GRM8: variants seen among roughly 807,000 people sequenced by gnomAD.
GRM8 encodes the protein metabotropic glutamate receptor 8.
A neutral mutation model predicts 87.2 loss-of-function variants in GRM8; 47 were observed. The ratio of observed to expected loss-of-function variants is 0.54; its 90% CI spans 0.43 to 0.69. The LOEUF (loss-of-function observed/expected upper bound fraction) is 0.69, where lower values mean the gene tolerates loss of function less well. GRM8 is among the 30% of genes least tolerant of loss of function. The pLI, the probability that GRM8 is intolerant of heterozygous loss-of-function variation, is 0.00. For synonymous variants in GRM8, 396 were observed against 404.5 expected (o/e 0.98, Z 0.25); for missense variants, 1,019 against 1,139.2 (o/e 0.89, Z 1.52).
At chr7:127,096,644 T>C (rs531119694) in intron 3 of GRM8, among the ~76,000 whole-genome samples, 28 of 152,130 alleles carry the variant, frequency 1.8e-4, no homozygotes, top group African/African-American at 6.8e-4. Flanking sequence ...CCAATTCTTA[T>C]ACAATTGTTA....
intron 7 of GRM8, among the ~76,000 whole-genome samples, chr7:126,633,279 A>G (rs112918635): frequency 3.9e-5 from 6 of 152,226 alleles, no homozygotes; most frequent in African/African-American, 1.4e-4. Flanking sequence ...AAACAAACAA[A>G]CAAAAAACAA....
At chr7:127,163,991 C>T (rs1286370240) in intron 2 of GRM8, among the ~76,000 whole-genome samples, 3 of 152,062 alleles carry the variant, frequency 2.0e-5, no homozygotes, top group Non-Finnish European at 4.4e-5. Flanking sequence ...GAATTGTAAT[C>T]CCCAATGTTG....
chr7:126,603,714 AAT>A (rs1798058023), intron 8 of GRM8, among the ~76,000 whole-genome samples: 1 of 152,080 alleles, frequency 6.6e-6, no homozygotes, highest in Admixed American at 6.6e-5. Context: ...TCATAGGGTG[AAT>A]ATGTGTGTGT....
At chr7:127,177,013 C>T (rs929091757) in intron 2 of GRM8, among the ~76,000 whole-genome samples, 4 of 152,100 alleles carry the variant, frequency 2.6e-5, no homozygotes, top group Non-Finnish European at 4.4e-5. Flanking sequence ...TCAGAAGTCA[C>T]GGGAGGGTGC....
At chr7:126,493,036 A>G (rs1808227526) in intron 9 of GRM8, among the ~76,000 whole-genome samples, 1 of 152,078 alleles carries the variant, frequency 6.6e-6, no homozygotes, top group Non-Finnish European at 1.5e-5. Flanking sequence ...GATAAAGTTG[A>G]GAATTTTTGT....
At chr7:126,812,516 T>G (rs776215943) in intron 6 of GRM8, among the ~76,000 whole-genome samples, 32 of 152,058 alleles carry the variant, frequency 2.1e-4, no homozygotes, top group Non-Finnish European at 3.8e-4. Flanking sequence ...GGTATCACTG[T>G]TGCAAATGAA....
chr7:127,133,771 T>G (rs1008560047), intron 2 of GRM8, among the ~76,000 whole-genome samples: 10 of 151,754 alleles, frequency 6.6e-5, no homozygotes, highest in Non-Finnish European at 1.5e-5. Context: ...TTTTCACCCT[T>G]CTTGGGTTTT....
At chr7:126,965,311 AAAAG>A (rs1164680227) in intron 3 of GRM8, among the ~76,000 whole-genome samples, 3 of 152,166 alleles carry the variant, frequency 2.0e-5, no homozygotes, top group East Asian at 1.9e-4. Context: ...AATTTTAAAA[AAAAG>A]AAAGAGGAAA....
intron 6 of GRM8, among the ~76,000 whole-genome samples, chr7:126,807,326 T>G (rs995499015): frequency 6.6e-6 from 1 of 152,138 alleles, no homozygotes; most frequent in South Asian, 2.1e-4. Flanking sequence ...AAAATGTTCA[T>G]TTGAGAGGTG....
intron 2 of GRM8, among the ~76,000 whole-genome samples, chr7:127,214,553 C>T (rs1054681244): frequency 4.6e-5 from 7 of 152,136 alleles, no homozygotes; most frequent in African/African-American, 1.7e-4. Flanking sequence ...CCTGAGGAAA[C>T]TTACAATCAT....
chr7:127,226,640 T>C (rs1563593323), intron 2 of GRM8, among the ~76,000 whole-genome samples: 2 of 152,204 alleles, frequency 1.3e-5, no homozygotes, highest in Non-Finnish European at 2.9e-5. Context: ...AAATTGGAAA[T>C]GGGGTTCCAT....
At chr7:126,496,198 C>G (rs1808701607) in intron 9 of GRM8, among the ~76,000 whole-genome samples, 1 of 148,288 alleles carries the variant, frequency 6.7e-6, no homozygotes, top group Non-Finnish European at 1.5e-5. Flanking sequence ...AAGGAAAGGA[C>G]AGAGAGAAAG....
chr7:126,878,606 A>G (rs1586295070), intron 6 of GRM8, among the ~76,000 whole-genome samples: 1 of 139,338 alleles, frequency 7.2e-6, no homozygotes, highest in African/African-American at 2.7e-5. Context: ...TGCAACCTCC[A>G]CTTCCCGGGT....
At chr7:127,182,635 GTGT>G (rs1794519072) in intron 2 of GRM8, among the ~76,000 whole-genome samples, 5 of 9,318 alleles carry the variant, frequency 5.4e-4, no homozygotes, top group African/African-American at 2.4e-3. Flanking sequence ...AAAGTGTGGT[GTGT>G]GTGTGTGTGT....
chr7:126,798,578 T>A (rs1244002475), intron 6 of GRM8, among the ~76,000 whole-genome samples: 2 of 151,594 alleles, frequency 1.3e-5, no homozygotes, highest in Non-Finnish European at 2.9e-5. Flanking sequence ...GTAAAGAGAG[T>A]TTCAGCTTTT....
In GRM8 at chr7:126,515,072, G is replaced by A. The variant is rs1042127928; in HGVS notation, c.2430+17880C>T. 4.6e-5 allele frequency among the ~76,000 whole-genome samples: 7 copies of A among 151,998 alleles called. No individual in the cohort carries two copies. In the South Asian group the frequency reaches 1.0e-3, roughly 23 times the overall value. ...ATCTGATATAAATGTGTGTGTTGGG[G>A]GGTATGTAAAATATACAACTTTCAT... is the stretch of plus-strand genomic sequence containing the variant. On this transcript the variant is annotated intron_variant, in intron 9 of 10. Coordinates refer to ENST00000339582, the MANE Select transcript of GRM8 (RefSeq NM_000845.3).
At chr7:126,905,970 G>A (rs1802633079) in intron 3 of GRM8, among the ~76,000 whole-genome samples, 1 of 152,164 alleles carries the variant, frequency 6.6e-6, no homozygotes. Flanking sequence ...CAATGACCAG[G>A]TCCAACTTGA....
intron 7 of GRM8, among the ~76,000 whole-genome samples, chr7:126,750,494 G>A (rs543469328): frequency 1.3e-5 from 2 of 151,802 alleles, no homozygotes; most frequent in Non-Finnish European, 2.9e-5. Flanking sequence ...CAATTAAGCC[G>A]ACGAAGAAAA....
intron 7 of GRM8, among the ~76,000 whole-genome samples, chr7:126,657,833 C>T (rs752840114): frequency 4.6e-5 from 7 of 152,214 alleles, no homozygotes; most frequent in Non-Finnish European, 8.8e-5. Context: ...GAGGAGCCTC[C>T]GCTGAGTGAT....
Sources: allele counts gnomAD v4.1 joint callset (sites outside exome capture counted in the v4.1 genomes callset), GRCh38; gene constraint gnomAD v4.1.1; transcripts MANE v1.5; gene names NCBI Gene and HGNC (gene_info 2026-07-23, HGNC 2026-07-21).